The following CCDC47 variants were observed in gnomAD, a reference collection of about 807,000 sequenced individuals.
CCDC47 encodes the protein coiled-coil domain containing 47.
Under a neutral mutation model 60.5 loss-of-function variants are expected in CCDC47, and 41 were observed. That is an observed-to-expected ratio of 0.68 (90% CI 0.53 to 0.88). CCDC47 has a LOEUF of 0.88. Among genes scored for constraint, CCDC47 ranks in the 40% least tolerant of loss-of-function variants. The pLI is 0.00. For missense variants in CCDC47, 513 were observed against 580.9 expected, an observed-to-expected ratio of 0.88 and a Z score of 1.20; for synonymous variants, 195 against 190.7, an observed-to-expected ratio of 1.02 and a Z score of -0.18.
chr17:63,767,694 C>T (rs2039307124), intron 1 of CCDC47, among the ~76,000 whole-genome samples: 1 of 152,080 alleles, frequency 6.6e-6, no homozygotes, highest in African/African-American at 2.4e-5. Flanking sequence ...ATACTGGTCT[C>T]TGCTGCATAT....
intron 2 of CCDC47, chr17:63,765,488 G>A (rs924047510): frequency 6.5e-6 from 1 of 154,156 alleles, no homozygotes. Context: ...TGACAGGCAC[G>A]CACCACCACG....
chr17:63,757,636 C>T (rs113714946), intron 6 of CCDC47, among the ~76,000 whole-genome samples: 2,505 of 152,130 alleles, frequency 0.016, 72 homozygotes, highest in African/African-American at 0.056. Flanking sequence ...TAATAGAACA[C>T]GAATACACTC....
At chr17:63,755,923 C>CAAAAAA (rs59036340) in intron 8 of CCDC47, among the ~76,000 whole-genome samples, 1 of 98,548 alleles carries the variant, frequency 1.0e-5, no homozygotes, top group African/African-American at 3.4e-5. Flanking sequence ...AACTGGAGCT[C>CAAAAAA]AAAAAAAAAA....
intron 6 of CCDC47, among the ~76,000 whole-genome samples, chr17:63,759,560 TA>T (rs2039239670): frequency 1.6e-5 from 1 of 61,668 alleles, no homozygotes; most frequent in Non-Finnish European, 2.9e-5. Context: ...TATATATATA[TA>T]TATATATATA....
intron 10 of CCDC47, 97 bp from the exon 11 acceptor site, chr17:63,752,526 T>A (rs189554870): frequency 3.6e-6 from 3 of 837,940 alleles, no homozygotes. Context: ...AGAGACTCAT[T>A]TCTCTAAGTT....
At chr17:63,768,980 A>T (rs971163269) in intron 1 of CCDC47, among the ~76,000 whole-genome samples, 1 of 151,724 alleles carries the variant, frequency 6.6e-6, no homozygotes, top group Non-Finnish European at 1.5e-5. Context: ...GCTACTTGGG[A>T]GGCTGAGGTA....
chr17:63,758,112 GTCTT>G (rs1176252410), intron 6 of CCDC47, among the ~76,000 whole-genome samples: 1 of 152,194 alleles, frequency 6.6e-6, no homozygotes, highest in African/African-American at 2.4e-5. Context: ...TTCTTCCTGT[GTCTT>G]TCTTTCATTT....
intron 1 of CCDC47, chr17:63,766,677 G>A (rs758810684): frequency 4.3e-6 from 1 of 235,176 alleles, no homozygotes; most frequent in Non-Finnish European, 6.9e-6. Context: ...CATCTGTCTC[G>A]GCCTCCCAAA....
intron 8 of CCDC47, 50 bp downstream of exon 8, chr17:63,756,190 G>T: frequency 8.3e-7 from 1 of 1,209,088 alleles, no homozygotes; most frequent in Non-Finnish European, 1.2e-6. Context: ...TAGGGAGAGT[G>T]TCCTGTAAAT....
intron 8 of CCDC47, 58 bp from the exon 9 acceptor site, chr17:63,754,576 T>C (rs1229116764): frequency 6.2e-6 from 7 of 1,129,428 alleles, no homozygotes; most frequent in Admixed American, 4.1e-5. Context: ...TCCCTTTTTT[T>C]CCTAAAGATA....
intron 12 of CCDC47, among the ~76,000 whole-genome samples, chr17:63,750,842 C>G (rs930987948): frequency 1.3e-5 from 2 of 151,928 alleles, no homozygotes; most frequent in Non-Finnish European, 2.9e-5. Flanking sequence ...CCGCCTCAGC[C>G]TCCCAAAGTG....
intron 9 of CCDC47, among the ~76,000 whole-genome samples, chr17:63,754,125 C>A (rs1219194308): frequency 6.6e-6 from 1 of 151,938 alleles, no homozygotes; most frequent in African/African-American, 2.4e-5. Context: ...AAAAACAAAA[C>A]AAAACAAAAA....
At chr17:63,751,327 T>G (rs952377856) in intron 12 of CCDC47, among the ~76,000 whole-genome samples, 1 of 121,162 alleles carries the variant, frequency 8.3e-6, no homozygotes, top group Non-Finnish European at 1.6e-5. Flanking sequence ...TATTGCGCCA[T>G]TGCACTCCAG....
At chr17:63,760,741 AGG>A (rs1397133457) in intron 6 of CCDC47, among the ~76,000 whole-genome samples, 171 bp downstream of exon 6, 7 of 151,278 alleles carry the variant, frequency 4.6e-5, no homozygotes, top group African/African-American at 1.7e-4. Flanking sequence ...TGGGAGGCTG[AGG>A]CAGGAGAATT....
chr17:63,746,910 T>G lies in CCDC47; in HGVS notation c.1423A>C (p.Met475Leu), dbSNP rs779431196. Residue 475 changes from methionine to leucine, a missense_variant, in exon 13 of 13, where the codon ATG becomes CTG. Physicochemically the swap from Met to Leu is conservative, Grantham distance 15. Coordinates refer to ENST00000225726, the MANE Select transcript of CCDC47 (RefSeq NM_020198.3). The part of the protein sequence containing the change: ...QKKLEKKQMK[M>L]KQIKVKAM ...ATGGCTTTCACTTTGATTTGTTTCA[T>G]TTTCATTTGCTTCTTTTCCAACTTC... is the stretch of plus-strand genomic sequence containing the variant. 1.2e-6 allele frequency: 2 copies of G among 1,613,830 alleles called. No individual in the cohort carries two copies. The highest frequency in any genetic ancestry group is 3.3e-5 in the Admixed American group (2 of 60,010).
At chr17:63,762,105 T>A in intron 4 of CCDC47, 1 of 984,996 alleles carries the variant, frequency 1.0e-6, no homozygotes, top group Non-Finnish European at 1.2e-6. Context: ...AAATGATAAC[T>A]GGGTCTTACT....
At chr17:63,769,645 A>T (rs1409886524) in intron 1 of CCDC47, among the ~76,000 whole-genome samples, 1 of 151,758 alleles carries the variant, frequency 6.6e-6, no homozygotes, top group Non-Finnish European at 1.5e-5. Context: ...AAAAGAAAAG[A>T]AAAAGAAAAC....
chr17:63,764,925 T>C (rs2039286340), intron 2 of CCDC47, 78 bp from the exon 3 acceptor site: 3 of 1,547,944 alleles, frequency 1.9e-6, no homozygotes, highest in Admixed American at 2.1e-5. Context: ...GCAACATTTG[T>C]TGGGGAAAAC....
chr17:63,756,998 C>T (rs1282302607), intron 6 of CCDC47, among the ~76,000 whole-genome samples: 1 of 151,946 alleles, frequency 6.6e-6, no homozygotes, highest in Non-Finnish European at 1.5e-5. Context: ...GCCTTTAAGC[C>T]TAGCTACCTG....
Sources: allele counts gnomAD v4.1 joint callset (sites outside exome capture counted in the v4.1 genomes callset), GRCh38; gene constraint gnomAD v4.1.1; transcripts MANE v1.5; gene names NCBI Gene and HGNC (gene_info 2026-07-23, HGNC 2026-07-21).